Variants in FBXO40 observed in about 807,000 individuals in gnomAD.
FBXO40 encodes F-box only protein 40.
A neutral mutation model predicts 49.9 loss-of-function variants in FBXO40; 50 were observed. That is an observed-to-expected ratio of 1.00 (90% CI 0.80 to 1.27). The LOEUF (loss-of-function observed/expected upper bound fraction) is 1.27. Ranked by LOEUF, FBXO40 falls within the 50% of genes most tolerant of loss-of-function variation. The pLI, the probability that FBXO40 is intolerant of heterozygous loss-of-function variation, is 0.00. For missense variants in FBXO40, 895 were observed against 870.1 expected (o/e 1.03, Z -0.36); for synonymous variants, 340 against 320.2 (o/e 1.06, Z -0.66).
At position 121,627,441 on chromosome 3, in the gene FBXO40, T is replaced by C. The variant is rs2049068683; in HGVS notation, c.*531T>C. 1 of 172,456 alleles carries C rather than the reference T, an allele frequency of 5.8e-6. No homozygotes were observed. The highest frequency in any genetic ancestry group is 1.7e-4 in the South Asian group (1 of 5,826). The allele number at this position is 172,456 out of a possible 1,614,324, so 10.7% of individuals were successfully genotyped here. On this transcript the variant is annotated 3_prime_UTR_variant, in exon 4 of 4. Coordinates refer to ENST00000338040, the MANE Select transcript of FBXO40 (RefSeq NM_016298.4). ...CCAGGGCTCATTTTGGTTATTCTAC[T>C]GCCTCTAGGCCAGGGTAGTCCTAAC...
intron 1 of FBXO40, among the ~76,000 whole-genome samples, chr3:121,612,888 T>C (rs1231633486): frequency 1.3e-5 from 2 of 151,788 alleles, no homozygotes; most frequent in East Asian, 3.9e-4. Context: ...GCTAACACAG[T>C]GAAACCCCGT....
Position 121,623,183 on chromosome 3 carries a change from C to T in FBXO40, c.1754C>T (p.Ala585Val). ...CCCCTGGAGATTTTGAAGTACATTGCTGGGTTCTTGGACAGCGTCAGCCTG... is the reference window on the plus strand; with the variant it reads ...CCCCTGGAGATTTTGAAGTACATTGTTGGGTTCTTGGACAGCGTCAGCCTG... ...SLPLEILKYI[A>V]GFLDSVSLAQ... The change falls in exon 3 of 4, where the codon GCT becomes GTT. Residue 585 changes from alanine (A) to valine (V), a missense_variant. Ala to Val is a moderately conservative substitution (Grantham distance 64). Transcript: ENST00000338040. The T allele has an allele frequency of 1.2e-6, 2 of 1,614,158 alleles. No homozygotes were observed. The highest frequency in any genetic ancestry group is 8.5e-7 in the Non-Finnish European group (1 of 1,180,022).
At chr3:121,610,253 G>T (rs759098083) in intron 1 of FBXO40, among the ~76,000 whole-genome samples, 47 of 152,206 alleles carry the variant, frequency 3.1e-4, no homozygotes, top group Non-Finnish European at 6.0e-4. Flanking sequence ...GCTAAAAGCT[G>T]GGCCTTTGGG....
At position 121,621,595 on chromosome 3, in the gene FBXO40, C is replaced by T; in HGVS notation, c.166C>T (p.Leu56Phe). Residue 56 changes from leucine to phenylalanine, a missense_variant, in exon 3 of 4, where the codon CTC becomes TTC. Coordinates refer to ENST00000338040, the MANE Select transcript of FBXO40 (RefSeq NM_016298.4). ...CATGTGCAAAGAGGCAGAGCACCAGCTCCTCTGCCCTTTAGAGCAGGTTCC... is the reference window on the plus strand; with the variant it reads ...CATGTGCAAAGAGGCAGAGCACCAGTTCCTCTGCCCTTTAGAGCAGGTTCC... ...FHMCKEAEHQ[L>F]LCPLEQVPCL... The T allele has an allele frequency of 6.2e-7, 1 of 1,614,244 alleles. No homozygotes were observed. Among genetic ancestry groups the T allele is most frequent in the Non-Finnish European group, 8.5e-7 (1 of 1,180,036 alleles).
intron 1 of FBXO40, among the ~76,000 whole-genome samples, chr3:121,607,655 TA>T (rs1377251541): frequency 6.6e-6 from 1 of 151,980 alleles, no homozygotes; most frequent in Non-Finnish European, 1.5e-5. Flanking sequence ...AGCCTTAACC[TA>T]ACCAGTGAAG....
In FBXO40 at chr3:121,594,105, T is replaced by C. The variant is rs368740112; in HGVS notation, c.-31+603T>C. Among the ~76,000 whole-genome samples, 248 of 152,170 alleles carry C rather than the reference T, an allele frequency of 1.6e-3. 2 individuals carry two copies. The highest frequency in any genetic ancestry group is 5.6e-3 in the African/African-American group (234 of 41,532). The stretch of plus-strand genomic sequence containing the variant: ...CTGGTCTTGAACTCCTGGCCTCAAA[T>C]GATCCGCCCACCTCAGCCTCCAAAA... On this transcript the variant is annotated intron_variant, in intron 1 of 3. Coordinates refer to ENST00000338040, the MANE Select transcript of FBXO40 (RefSeq NM_016298.4).
At chr3:121,604,877 A>C (rs977731234) in intron 1 of FBXO40, among the ~76,000 whole-genome samples, 12 of 152,194 alleles carry the variant, frequency 7.9e-5, no homozygotes, top group Admixed American at 3.3e-4. Context: ...CCAAGTGGTT[A>C]TACCCATGAA....
At position 121,627,648 on chromosome 3, in the gene FBXO40, A is replaced by G. The variant is rs2049069925; in HGVS notation, c.*738A>G. The G allele has an allele frequency of 2.5e-6, 1 of 394,098 alleles. No homozygotes were observed. Among genetic ancestry groups the G allele is most frequent in the Non-Finnish European group, 4.5e-6 (1 of 223,852 alleles). 24.4% of individuals were successfully genotyped at this position (394,098 alleles called of 1,614,324 possible). A position where few individuals can be genotyped will look rare whatever the true frequency, so the allele number is the denominator to read the frequency against. ...CACCATATTTATGGAGAACATTAGG[A>G]CAAAAAGTCACCAACTTACTTTGTA... On this transcript the variant is annotated 3_prime_UTR_variant, in exon 4 of 4. Transcript: ENST00000338040.
At chr3:121,612,869 G>A (rs1479586811) in intron 1 of FBXO40, among the ~76,000 whole-genome samples, 2 of 151,820 alleles carry the variant, frequency 1.3e-5, no homozygotes, top group Non-Finnish European at 2.9e-5. Flanking sequence ...GTGAATCGAG[G>A]CCATCCTGGC....
intron 2 of FBXO40, among the ~76,000 whole-genome samples, chr3:121,621,208 T>G (rs1052051055): frequency 1.3e-5 from 2 of 152,246 alleles, no homozygotes; most frequent in African/African-American, 4.8e-5. Context: ...TTTCCTATTC[T>G]AAACACATCT....
chr3:121,616,377 G>A (rs997150194), intron 1 of FBXO40, among the ~76,000 whole-genome samples: 2 of 152,208 alleles, frequency 1.3e-5, no homozygotes, highest in African/African-American at 4.8e-5. Context: ...GGTACAGCCA[G>A]CATCTGTAGC....
chr3:121,627,929 A>T lies in FBXO40; in HGVS notation c.*1019A>T, dbSNP rs2049071457. The T allele has an allele frequency of 2.5e-6, 1 of 398,542 alleles. No homozygotes were observed. The highest frequency in any genetic ancestry group is 2.1e-5 in the African/African-American group (1 of 48,638). The allele number at this position is 398,542 out of a possible 1,614,324, so 24.7% of individuals were successfully genotyped here. ...CTCCTAGACAGCACTTGGGTACCCC[A>T]TTGGGGTCTTGGAGAGGAAGACATG... is the stretch of plus-strand genomic sequence containing the variant. On this transcript the variant is annotated 3_prime_UTR_variant, in exon 4 of 4. Coordinates refer to ENST00000338040, the MANE Select transcript of FBXO40 (RefSeq NM_016298.4).
At chr3:121,615,051 A>G (rs1449081497) in intron 1 of FBXO40, among the ~76,000 whole-genome samples, 2 of 152,078 alleles carry the variant, frequency 1.3e-5, no homozygotes, top group African/African-American at 2.4e-5. Context: ...AACCCCCACA[A>G]AAAGTTTGCT....
chr3:121,626,650 G>A (rs771166412), intron 3 of FBXO40, 45 bp from the exon 4 acceptor site: 121 of 1,570,738 alleles, frequency 7.7e-5, no homozygotes, highest in Non-Finnish European at 1.0e-4. Flanking sequence ...CAGCCAGAGG[G>A]TAACACCCCT....
At chr3:121,625,039 A>G (rs560252189) in intron 3 of FBXO40, among the ~76,000 whole-genome samples, 2 of 152,300 alleles carry the variant, frequency 1.3e-5, no homozygotes, top group East Asian at 3.9e-4. Context: ...TTCTAAATGA[A>G]TTTGGCCCAC....
chr3:121,621,432 G>T lies in FBXO40; in HGVS notation c.4-1G>T. The stretch of plus-strand genomic sequence containing the variant: ...CTTCCCCCTGTCCTTGGTGTGTCCA[G>T]GGGAAAGCCCGCAGATCCCCGCCAG... On this transcript the variant is annotated splice_acceptor_variant, in intron 2 of 3. Coordinates refer to ENST00000338040, the MANE Select transcript of FBXO40 (RefSeq NM_016298.4). LOFTEE classifies it high-confidence loss of function. 6.2e-7 allele frequency: 1 copy of T among 1,610,966 alleles called. No individual in the cohort carries two copies. Among genetic ancestry groups the T allele is most frequent in the Non-Finnish European group, 8.5e-7 (1 of 1,178,272 alleles).
chr3:121,595,915 G>T (rs1029414458), intron 1 of FBXO40, among the ~76,000 whole-genome samples: 1 of 152,102 alleles, frequency 6.6e-6, no homozygotes, highest in Non-Finnish European at 1.5e-5. Flanking sequence ...AATCATTATT[G>T]CCAGCGCCAG....
chr3:121,607,300 C>CTTTTTTTTTTTTTTTTTTTTTT (rs555162944), intron 1 of FBXO40, among the ~76,000 whole-genome samples: 1 of 60,128 alleles, frequency 1.7e-5, no homozygotes, highest in Non-Finnish European at 2.8e-5. Context: ...CTCTAAAGCT[C>CTTTTTTTTTTTTTTTTTTTTTT]TTTTTTTTTT....
At chr3:121,609,693 C>T (rs533515433) in intron 1 of FBXO40, among the ~76,000 whole-genome samples, 3 of 152,238 alleles carry the variant, frequency 2.0e-5, no homozygotes, top group Admixed American at 6.5e-5. Context: ...GCCTTGCAGC[C>T]GAATCAATAA....
Sources: allele counts gnomAD v4.1 joint callset (sites outside exome capture counted in the v4.1 genomes callset), GRCh38; gene constraint gnomAD v4.1.1; transcripts MANE v1.5; gene names NCBI Gene and HGNC (gene_info 2026-07-23, HGNC 2026-07-21).